The following KLF12 variants were observed in gnomAD, a reference collection of about 807,000 sequenced individuals.
KLF12 encodes the protein KLF transcription factor 12, also known as Krueppel-like factor 12.
KLF12 carries 9 observed loss-of-function variants against 37.8 expected under a neutral mutation model. That is an observed-to-expected ratio of 0.24 (90% CI 0.14 to 0.42). The LOEUF is 0.42. Among genes scored for constraint, KLF12 ranks in the 10% least tolerant of loss-of-function variants. The probability of loss-of-function intolerance (pLI) is 1.00; values close to 1 mark genes in which losing one functional copy is unlikely to be tolerated. For missense variants in KLF12, 411 were observed against 516.0 expected (o/e 0.80, Z 1.97); for synonymous variants, 208 against 202.1 (o/e 1.03, Z -0.25).
At chr13:74,243,762 A>G in the KLF12 span, among the ~76,000 whole-genome samples, 1 of 152,090 alleles carries the variant, frequency 6.6e-6, no homozygotes, top group African/African-American at 2.4e-5. Flanking sequence ...TTCTTTAAGG[A>G]GGTATCATTT....
chr13:73,911,701 T>C (rs1888576134), intron 3 of KLF12, among the ~76,000 whole-genome samples: 1 of 152,246 alleles, frequency 6.6e-6, no homozygotes, highest in African/African-American at 2.4e-5. Context: ...TAGAATGTAA[T>C]AAACACTATG....
chr13:73,922,363 G>A (rs1407285093), intron 3 of KLF12, among the ~76,000 whole-genome samples: 1 of 152,094 alleles, frequency 6.6e-6, no homozygotes, highest in Non-Finnish European at 1.5e-5. Context: ...CAGGACTGAA[G>A]ATGAGCTTAA....
At chr13:73,856,543 C>T (rs1358488998) in intron 3 of KLF12, among the ~76,000 whole-genome samples, 1 of 152,078 alleles carries the variant, frequency 6.6e-6, no homozygotes, top group East Asian at 1.9e-4. Context: ...TCCATACACG[C>T]ACCCAGCCAC....
At chr13:73,888,318 A>G (rs1249282136) in intron 3 of KLF12, among the ~76,000 whole-genome samples, 1 of 152,076 alleles carries the variant, frequency 6.6e-6, no homozygotes, top group Non-Finnish European at 1.5e-5. Context: ...AAACTTTCTA[A>G]TTTCTAAACA....
intron 1 of KLF12, among the ~76,000 whole-genome samples, chr13:74,006,531 G>T (rs950589316): frequency 6.6e-6 from 1 of 152,140 alleles, no homozygotes; most frequent in Non-Finnish European, 1.5e-5. Flanking sequence ...TCATCTTATT[G>T]TACGTCTGGA....
At chr13:73,796,622 C>T (rs1180670860) in intron 5 of KLF12, among the ~76,000 whole-genome samples, 1 of 151,426 alleles carries the variant, frequency 6.6e-6, no homozygotes, top group African/African-American at 2.4e-5. Flanking sequence ...ATATCTGTTC[C>T]TGTGAATTGA....
At position 74,110,874 on chromosome 13, in the gene KLF12, T is replaced by G. The variant is rs780306230; in HGVS notation, c.-32+22865A>C. ...AAGAAGACGTGATGTATTCTAGTTG[T>G]GTATTTGAAATTGACTTCAATAATA... On this transcript the variant is annotated intron_variant, in intron 1 of 7. Coordinates refer to ENST00000377669, the MANE Select transcript of KLF12 (RefSeq NM_007249.5). Among the ~76,000 whole-genome samples the G allele has an allele frequency of 1.2e-4, 18 of 152,204 alleles. 1 individual carries two copies. The highest frequency in any genetic ancestry group is 2.9e-5 in the Non-Finnish European group (2 of 68,032).
chr13:73,754,136 CT>C (rs932558427), intron 6 of KLF12, among the ~76,000 whole-genome samples: 3 of 152,202 alleles, frequency 2.0e-5, no homozygotes, highest in East Asian at 1.9e-4. Flanking sequence ...ATAGTGCCCC[CT>C]GGGGTTGTGC....
At chr13:73,983,582 G>C (rs1020359622) in intron 2 of KLF12, among the ~76,000 whole-genome samples, 5 of 152,042 alleles carry the variant, frequency 3.3e-5, no homozygotes, top group African/African-American at 9.7e-5. Context: ...TCATAACTTT[G>C]CTCTAAACTT....
Position 73,897,755 on chromosome 13 carries a change from A to G in KLF12, c.123+46226T>C, listed in dbSNP as rs529016005. Among the ~76,000 whole-genome samples the G allele has an allele frequency of 2.0e-5, 3 of 152,334 alleles. No homozygotes were observed. The East Asian group carries it at 5.8e-4, about 29-fold the overall frequency. ...ATTCCTTCTGCTTCTTCAATCTATTATCTCCCAATAACTATCTACTTATCA... is the reference window on the plus strand; with the variant it reads ...ATTCCTTCTGCTTCTTCAATCTATTGTCTCCCAATAACTATCTACTTATCA... On this transcript the variant is annotated intron_variant, in intron 3 of 7. Coordinates refer to ENST00000377669, the MANE Select transcript of KLF12 (RefSeq NM_007249.5).
At chr13:73,830,311 G>C (rs1157219276) in intron 4 of KLF12, among the ~76,000 whole-genome samples, 1 of 152,152 alleles carries the variant, frequency 6.6e-6, no homozygotes, top group Non-Finnish European at 1.5e-5. Context: ...ATTTTGGACA[G>C]CAGGCAAGAT....
chr13:74,187,144 A>G, the KLF12 span, among the ~76,000 whole-genome samples: 1 of 152,264 alleles, frequency 6.6e-6, no homozygotes, highest in Non-Finnish European at 1.5e-5. Context: ...CCTGGGCAAC[A>G]CTGCGAAACC....
At chr13:73,868,876 A>C (rs1245882574) in intron 3 of KLF12, among the ~76,000 whole-genome samples, 1 of 152,236 alleles carries the variant, frequency 6.6e-6, no homozygotes, top group Non-Finnish European at 1.5e-5. Flanking sequence ...GGTTTTATGA[A>C]GCTGGCATAC....
intron 4 of KLF12, among the ~76,000 whole-genome samples, chr13:73,841,093 G>C (rs1884710740): frequency 6.6e-6 from 1 of 152,144 alleles, no homozygotes; most frequent in Non-Finnish European, 1.5e-5. Flanking sequence ...TGATACACAT[G>C]AACTGTCACT....
chr13:73,899,501 TTG>T (rs1887940410), intron 3 of KLF12, among the ~76,000 whole-genome samples: 1 of 152,178 alleles, frequency 6.6e-6, no homozygotes, highest in Non-Finnish European at 1.5e-5. Flanking sequence ...ATATGAGGCT[TTG>T]TGATGGTTAC....
At chr13:73,978,812 GA>G (rs1189467508) in intron 2 of KLF12, among the ~76,000 whole-genome samples, 3 of 152,124 alleles carry the variant, frequency 2.0e-5, no homozygotes, top group Non-Finnish European at 4.4e-5. Flanking sequence ...GAGACATCCA[GA>G]CCATGAAATA....
chr13:73,996,087 C>T (rs12385846), intron 1 of KLF12, among the ~76,000 whole-genome samples: 11,260 of 152,202 alleles, frequency 0.074, 628 homozygotes, highest in African/African-American at 0.16. Flanking sequence ...CAGCAGAGTT[C>T]ACAAGCTCCA....
intron 5 of KLF12, among the ~76,000 whole-genome samples, chr13:73,787,059 G>A (rs1594091106): frequency 1.3e-5 from 2 of 152,220 alleles, no homozygotes; most frequent in East Asian, 3.8e-4. Flanking sequence ...ACATGGTATT[G>A]TTAGAGTACA....
At chr13:73,761,938 A>C (rs1475679459) in intron 6 of KLF12, among the ~76,000 whole-genome samples, 9 of 152,290 alleles carry the variant, frequency 5.9e-5, no homozygotes, top group Non-Finnish European at 1.2e-4. Flanking sequence ...ATCAATCTTC[A>C]AATCAGTAAA....
Sources: gnomAD v4.1 joint callset for allele counts (sites outside exome capture counted in the v4.1 genomes callset) on GRCh38, gnomAD v4.1.1 for gene constraint, MANE v1.5 for transcripts, NCBI Gene and HGNC (gene_info 2026-07-23, HGNC 2026-07-21) for gene names.